The following FAM120B variants were observed in gnomAD, a reference collection of about 807,000 sequenced individuals.
The protein encoded by FAM120B is constitutive coactivator of peroxisome proliferator-activated receptor gamma.
A neutral mutation model predicts 96.3 loss-of-function variants in FAM120B; 83 were observed. The observed-to-expected ratio is 0.86, with a 90% CI of 0.72 to 1.03. The LOEUF (loss-of-function observed/expected upper bound fraction) is 1.03, where lower values mean the gene tolerates loss of function less well. Among genes scored for constraint, FAM120B ranks in the 50% least tolerant of loss-of-function variants. The pLI, the probability that FAM120B is intolerant of heterozygous loss-of-function variation, is 0.00. For synonymous variants in FAM120B, 407 were observed against 402.7 expected, an observed-to-expected ratio of 1.01 and a Z score of -0.13; for missense variants, 1,027 against 1,121.2, an observed-to-expected ratio of 0.92 and a Z score of 1.20.
intron 6 of FAM120B, among the ~76,000 whole-genome samples, chr6:170,384,541 G>A (rs968161234): frequency 3.3e-5 from 5 of 152,144 alleles, no homozygotes; most frequent in Non-Finnish European, 7.3e-5. Flanking sequence ...GGCCATGAGA[G>A]GAAGAAGGGA....
chr6:170,291,323 C>T (rs1783865946), upstream of FAM120B, among the ~76,000 whole-genome samples: 6 of 152,090 alleles, frequency 3.9e-5, no homozygotes, highest in South Asian at 1.2e-3. Flanking sequence ...CGGGGGGCGG[C>T]GCTGCGGGCC....
chr6:170,367,406 G>A lies in FAM120B; in HGVS notation c.2283+9088G>A, dbSNP rs574693728. Among the ~76,000 whole-genome samples the A allele has an allele frequency of 2.6e-5, 4 of 152,364 alleles. No individual in the cohort carries two copies. The East Asian group carries it at 5.8e-4, about 22-fold the overall frequency. On this transcript the variant is annotated intron_variant, in intron 6 of 10. Transcript: ENST00000476287. The stretch of plus-strand genomic sequence containing the variant: ...ACATGAAACGCAAATTTCTATGTCC[G>A]AAATGGTTTTCTTGGCACATAGCCA...
In FAM120B at chr6:170,318,050, C is replaced by G; in HGVS notation, c.660C>G (p.Ala220=). ...KLCESLGLCV[A]DLPLLACLLG... ...GTGAGAGTCTGGGCCTCTGTGTGGCCGACCTTCCTCTTCTGGCCTGCCTCC... is the reference window on the plus strand; with the variant it reads ...GTGAGAGTCTGGGCCTCTGTGTGGCGGACCTTCCTCTTCTGGCCTGCCTCC... Residue 220 remains alanine (A), a synonymous_variant, in exon 2 of 11, where the codon GCC becomes GCG. Coordinates refer to ENST00000476287, the MANE Select transcript of FAM120B (RefSeq NM_032448.3). The G allele has an allele frequency of 6.2e-7, 1 of 1,614,096 alleles. No individual in the cohort carries two copies. The highest frequency in any genetic ancestry group is 8.5e-7 in the Non-Finnish European group (1 of 1,179,992).
intron 4 of FAM120B, among the ~76,000 whole-genome samples, chr6:170,340,392 A>C: frequency 6.7e-6 from 1 of 149,610 alleles, no homozygotes; most frequent in Non-Finnish European, 1.5e-5. Flanking sequence ...CAGTTCCTGT[A>C]AGTGTTTATC....
At position 170,399,150 on chromosome 6, in the gene FAM120B, G is replaced by C. The variant is rs76697530; in HGVS notation, c.2692+3571G>C. Reference sequence around the variant, plus strand: ...GAGTGAGTGAGAAAGGTAGAACTATGTCATAACTTAGGAGTGAGTGGGGAA... The same window carrying C: ...GAGTGAGTGAGAAAGGTAGAACTATCTCATAACTTAGGAGTGAGTGGGGAA... On this transcript the variant is annotated intron_variant, in intron 9 of 10. Coordinates refer to ENST00000476287, the MANE Select transcript of FAM120B (RefSeq NM_032448.3). Among the ~76,000 whole-genome samples the C allele has an allele frequency of 7.7e-4, 113 of 146,750 alleles. No individual in the cohort carries two copies. In the East Asian group the frequency reaches 0.021, roughly 27 times the overall value.
chr6:170,376,584 C>G (rs114726379), intron 6 of FAM120B, among the ~76,000 whole-genome samples: 1 of 152,094 alleles, frequency 6.6e-6, no homozygotes, highest in Non-Finnish European at 1.5e-5. Context: ...AAGAAAAGAC[C>G]GGTAAGTACC....
In FAM120B at chr6:170,365,074, G is replaced by A. The variant is rs184101337; in HGVS notation, c.2283+6756G>A. On this transcript the variant is annotated intron_variant, in intron 6 of 10. Transcript: ENST00000476287. ...TGCAGAAAAGGGCGTGGTGTGCCTG[G>A]GGCACGTACTCCTGCCGAAACCCCC... Among the ~76,000 whole-genome samples, 206 of 152,330 alleles carry A rather than the reference G, an allele frequency of 1.4e-3. 1 individual carries two copies. Among genetic ancestry groups the A allele is most frequent in the African/African-American group, 4.6e-3 (190 of 41,576 alleles).
chr6:170,332,436 G>T (rs1419316461), intron 4 of FAM120B, among the ~76,000 whole-genome samples: 3 of 152,294 alleles, frequency 2.0e-5, no homozygotes, highest in East Asian at 3.9e-4. Flanking sequence ...GGGGGCTCAC[G>T]CCTGTAATCC....
chr6:170,369,532 A>G (rs1789038820), intron 6 of FAM120B, among the ~76,000 whole-genome samples: 2 of 152,210 alleles, frequency 1.3e-5, no homozygotes, highest in Non-Finnish European at 2.9e-5. Context: ...TTCCGAGTCC[A>G]GTTTGGAGAG....
At chr6:170,368,627 A>T (rs1167390929) in intron 6 of FAM120B, among the ~76,000 whole-genome samples, 3 of 152,244 alleles carry the variant, frequency 2.0e-5, no homozygotes. Context: ...TAAAGAAGGA[A>T]AAATGCTTTC....
At chr6:170,338,888 G>A (rs1441781417) in intron 4 of FAM120B, among the ~76,000 whole-genome samples, 3 of 93,646 alleles carry the variant, frequency 3.2e-5, no homozygotes, top group Non-Finnish European at 6.1e-5. Context: ...TAAATATTCC[G>A]CCATCCCTTT....
At chr6:170,330,852 G>A (rs909425928) in intron 4 of FAM120B, 2 of 321,416 alleles carry the variant, frequency 6.2e-6, no homozygotes, top group South Asian at 5.1e-5. Flanking sequence ...CGTGGTCAGC[G>A]CATGTTGCTG....
rs372278654 is a variant in FAM120B at position 170,363,674 on chromosome 6, G to A, written c.2283+5356G>A. On this transcript the variant is annotated intron_variant, in intron 6 of 10. Transcript: ENST00000476287. This position sits in a 1 kb window ranked among gnomAD's most constrained non-coding sequence, Gnocchi z 4.5. The stretch of plus-strand genomic sequence containing the variant: ...AGTAATTCTGGATCTCCATTTCCTT[G>A]GTAATCACTGTGCTGTGATAGTGTG... 3.9e-5 allele frequency among the ~76,000 whole-genome samples: 6 copies of A among 152,312 alleles called. No individual in the cohort carries two copies. The highest frequency in any genetic ancestry group is 6.8e-3 in the Middle Eastern group (2 of 294).
chr6:170,350,369 G>A (rs980903617), intron 5 of FAM120B, among the ~76,000 whole-genome samples: 1 of 152,202 alleles, frequency 6.6e-6, no homozygotes, highest in East Asian at 1.9e-4. Flanking sequence ...ACCTGCTTCA[G>A]CCTGCCAGCT....
chr6:170,363,272 T>G lies in FAM120B; in HGVS notation c.2283+4954T>G, dbSNP rs887345172. Among the ~76,000 whole-genome samples, 4 of 152,202 alleles carry G rather than the reference T, an allele frequency of 2.6e-5. No homozygotes were observed. Among genetic ancestry groups the G allele is most frequent in the Non-Finnish European group, 5.9e-5 (4 of 68,040 alleles). On this transcript the variant is annotated intron_variant, in intron 6 of 10. Coordinates refer to ENST00000476287, the MANE Select transcript of FAM120B (RefSeq NM_032448.3). The surrounding 1 kb of genome is among the most constrained non-coding windows in gnomAD (Gnocchi z 4.5). Reference sequence around the variant, plus strand: ...TAATCATTGGGAAGTTCTTGGTCATTTTTTGGTTGGAAAATTAAAAGGAAA... The same window carrying G: ...TAATCATTGGGAAGTTCTTGGTCATGTTTTGGTTGGAAAATTAAAAGGAAA...
chr6:170,344,121 G>A (rs1362546006), intron 4 of FAM120B, among the ~76,000 whole-genome samples: 2 of 135,088 alleles, frequency 1.5e-5, no homozygotes, highest in East Asian at 5.0e-4. Flanking sequence ...CGTTGCCTGC[G>A]GTGCTAGCCT....
In FAM120B at chr6:170,386,624, A is replaced by G. The variant is rs376957054; in HGVS notation, c.2284-1663A>G. Among the ~76,000 whole-genome samples, 14 of 152,348 alleles carry G rather than the reference A, an allele frequency of 9.2e-5. No individual in the cohort carries two copies. The East Asian group carries it at 2.5e-3, about 27-fold the overall frequency. On this transcript the variant is annotated intron_variant, in intron 6 of 10. Coordinates refer to ENST00000476287, the MANE Select transcript of FAM120B (RefSeq NM_032448.3). The stretch of plus-strand genomic sequence containing the variant: ...ATCTGAAATGAAAACTCTGCCCACA[A>G]GGAAACCTCAGGATCAGAGGGCTTC...
chr6:170,317,297 G>A, intron 1 of FAM120B, 73 bp from the exon 2 acceptor site: 2 of 1,173,918 alleles, frequency 1.7e-6, no homozygotes, highest in South Asian at 2.9e-5. Flanking sequence ...ATTAACTACT[G>A]TGTTTGCTTT....
chr6:170,300,900 C>G (rs550161008), intron 1 of FAM120B, among the ~76,000 whole-genome samples: 2 of 152,342 alleles, frequency 1.3e-5, no homozygotes, highest in Non-Finnish European at 2.9e-5. Context: ...GTAAACCCCC[C>G]CCTCCTGGCT....
Sources: gnomAD v4.1 joint callset for allele counts (sites outside exome capture counted in the v4.1 genomes callset) on GRCh38, gnomAD v4.1.1 for gene constraint, Gnocchi (gnomAD v3.1) non-coding constraint, MANE v1.5 for transcripts, NCBI Gene and HGNC (gene_info 2026-07-23, HGNC 2026-07-21) for gene names.